SIGLEC5: variants seen among roughly 807,000 people sequenced by gnomAD.
The protein encoded by SIGLEC5 is sialic acid binding Ig like lectin 5, also known as sialic acid-binding Ig-like lectin 5.
SIGLEC5 carries 34 observed loss-of-function variants against 45.9 expected under a neutral mutation model. That is an observed-to-expected ratio of 0.74 (90% CI 0.56 to 0.99). The LOEUF is 0.99. SIGLEC5 is among the 50% of genes least tolerant of loss of function. SIGLEC5 has a pLI of 0.00. For missense variants in SIGLEC5, 508 were observed against 629.6 expected, an observed-to-expected ratio of 0.81 and a Z score of 2.07; for synonymous variants, 203 against 258.6, an observed-to-expected ratio of 0.79 and a Z score of 2.06.
chr19:51,625,085 G>C (rs8110578), intron 8 of SIGLEC5, among the ~76,000 whole-genome samples: 45,031 of 152,070 alleles, frequency 0.3, 8,104 homozygotes, highest in African/African-American at 0.51. Flanking sequence ...AGAAGAGAAG[G>C]GGCAGATATC....
In SIGLEC5 at chr19:51,627,727, G is replaced by A. The variant is rs758983833; in HGVS notation, c.1017C>T (p.Gly339=). ...CCTCAGCCTCCCAGGAGCAGGAGGGGCCCAGCAACTGTGGGAGGGCTGTGG... is the reference window on the plus strand; with the variant it reads ...CCTCAGCCTCCCAGGAGCAGGAGGGACCCAGCAACTGTGGGAGGGCTGTGG... ...LSVYSLPQLL[G]PSCSWEAEGL... Residue 339 remains glycine (G), a synonymous_variant, in exon 6 of 9, where the codon GGC becomes GGT. Coordinates refer to ENST00000683636, the MANE Select transcript of SIGLEC5 (RefSeq NM_003830.4). 1.9e-6 allele frequency: 3 copies of A among 1,589,376 alleles called. No individual in the cohort carries two copies. In the African/African-American group the frequency reaches 4.0e-5, roughly 21 times the overall value.
chr19:51,613,998 G>A (rs1004038857), intron 8 of SIGLEC5, among the ~76,000 whole-genome samples: 4 of 152,154 alleles, frequency 2.6e-5, no homozygotes, highest in African/African-American at 9.7e-5. Flanking sequence ...CCATGAAAGA[G>A]AAACAAAATG....
intron 4 of SIGLEC5, 63 bp downstream of exon 4, chr19:51,628,975 C>T: frequency 5.4e-6 from 8 of 1,474,178 alleles, no homozygotes; most frequent in Non-Finnish European, 5.6e-6. Context: ...CTCTGATTCT[C>T]TACCTCTGCT....
intron 8 of SIGLEC5, among the ~76,000 whole-genome samples, chr19:51,624,966 A>AAAAAT (rs1259629297): frequency 3.7e-4 from 1 of 2,738 alleles, no homozygotes; most frequent in East Asian, 0.05. Flanking sequence ...TCCGTCTCCA[A>AAAAAT]AAAAATAAAA....
At chr19:51,614,325 G>A (rs1982970360) in intron 8 of SIGLEC5, among the ~76,000 whole-genome samples, 1 of 152,140 alleles carries the variant, frequency 6.6e-6, no homozygotes, top group Non-Finnish European at 1.5e-5. Flanking sequence ...TGTAAAGACA[G>A]GGTTTCGCCA....
In SIGLEC5 at chr19:51,629,446, G is replaced by C. The variant is rs552559234; in HGVS notation, c.612C>G (p.Pro204=). 6.1e-5 allele frequency: 98 copies of C among 1,613,482 alleles called. No individual in the cohort carries two copies. The highest frequency in any genetic ancestry group is 5.1e-4 in the South Asian group (46 of 91,016). The change falls in exon 3 of 9, where the codon CCC becomes CCG. Residue 204 remains proline, a synonymous_variant. Transcript: ENST00000683636. ...AGGTGAGGTTGGTGCCATGGTCCTCGGGCCTGGGGGTGAGGGTGAGCTCCG... is the reference window on the plus strand; with the variant it reads ...AGGTGAGGTTGGTGCCATGGTCCTCCGGCCTGGGGGTGAGGGTGAGCTCCG... ...RSSELTLTPR[P]EDHGTNLTCQ...
At chr19:51,621,797 T>A (rs1568590274) in intron 8 of SIGLEC5, 1 of 152,140 alleles carries the variant, frequency 6.6e-6, no homozygotes, top group Non-Finnish European at 1.5e-5. Flanking sequence ...AAAAACCCTC[T>A]TATATTTTTT....
intron 8 of SIGLEC5, among the ~76,000 whole-genome samples, chr19:51,614,633 G>A (rs1982985275): frequency 6.6e-6 from 1 of 152,228 alleles, no homozygotes; most frequent in South Asian, 2.1e-4. Context: ...TGCGGTATAT[G>A]AAATAAAAAG....
At chr19:51,628,656 ATGTGCATG>A (rs1438520284) in intron 4 of SIGLEC5, among the ~76,000 whole-genome samples, 2 of 145,082 alleles carry the variant, frequency 1.4e-5, no homozygotes, top group Admixed American at 1.4e-4. Context: ...TGTGTGGTGT[ATGTGCATG>A]TGTGCGTGTG....
chr19:51,629,061 A>T lies in SIGLEC5; in HGVS notation c.716T>A (p.Ile239Asn). 2 of 1,613,890 alleles carry T rather than the reference A, an allele frequency of 1.2e-6. No individual in the cohort carries two copies. The highest frequency in any genetic ancestry group is 1.7e-6 in the Non-Finnish European group (2 of 1,179,892). The change falls in exon 4 of 9, where the codon ATC (isoleucine) becomes AAC (asparagine). Residue 239 changes from isoleucine to asparagine, a missense_variant. This residue lies in a region of SIGLEC5 where 431 missense variants were observed against 428.8 expected (regional missense o/e 1.01). Coordinates refer to ENST00000683636, the MANE Select transcript of SIGLEC5 (RefSeq NM_003830.4). ...ACCTATGCCGTTCCTGAAGATGGTG[A>T]TGGTCTGTGGAGCATCTGGGATAAA... Reference protein sequence around the residue: ...QLNVSYAPQTITIFRNGIALE... With the variant: ...QLNVSYAPQTNTIFRNGIALE...
At chr19:51,618,850 G>T in intron 8 of SIGLEC5, among the ~76,000 whole-genome samples, 1 of 143,752 alleles carries the variant, frequency 7.0e-6, no homozygotes, top group African/African-American at 2.5e-5. Context: ...TACTATGTTT[G>T]ATAAAATGTT....
intron 8 of SIGLEC5, among the ~76,000 whole-genome samples, chr19:51,624,531 G>A (rs1294871424): frequency 6.6e-6 from 1 of 152,076 alleles, no homozygotes; most frequent in Non-Finnish European, 1.5e-5. Context: ...TGACAGCTTG[G>A]TCATGAACTA....
rs1983646518 is a variant in SIGLEC5 at position 51,629,425 on chromosome 19, G to A, written c.633C>T (p.Leu211=). 2 of 1,613,770 alleles carry A rather than the reference G, an allele frequency of 1.2e-6. No homozygotes were observed. Among genetic ancestry groups the A allele is most frequent in the African/African-American group, 2.7e-5 (2 of 74,786 alleles). The change falls in exon 3 of 9, where the codon CTC becomes CTT. Residue 211 remains leucine (L), a synonymous_variant. Coordinates refer to ENST00000683636, the MANE Select transcript of SIGLEC5 (RefSeq NM_003830.4). The stretch of plus-strand genomic sequence containing the variant: ...CTCCTTGGCGTTTCATCTGACAGGT[G>A]AGGTTGGTGCCATGGTCCTCGGGCC... The part of the protein sequence containing the change: ...TPRPEDHGTN[L]TCQMKRQGAQ...
At chr19:51,614,992 A>C (rs747014349) in intron 8 of SIGLEC5, among the ~76,000 whole-genome samples, 14 of 152,236 alleles carry the variant, frequency 9.2e-5, no homozygotes, top group Non-Finnish European at 1.6e-4. Context: ...TCATTAGCTT[A>C]TCCAAGGTCA....
rs1671239451 is a variant in SIGLEC5, at chr19:51,626,221, C to T, written c.1383-108G>A. On this transcript the variant is annotated intron_variant, in intron 7 of 8. Transcript: ENST00000683636. ...AAAATGACAATGAAGCCATCCAGGCCCCGGAACTAAACTCGGAGACCTTCC... is the reference window on the plus strand; with the variant it reads ...AAAATGACAATGAAGCCATCCAGGCTCCGGAACTAAACTCGGAGACCTTCC... The T allele has an allele frequency of 6.0e-6, 5 of 837,404 alleles. No homozygotes were observed. In the Admixed American group the frequency reaches 8.1e-5, roughly 14 times the overall value. The allele number at this position is 837,404 out of a possible 1,614,324, so 51.9% of individuals were successfully genotyped here.
chr19:51,628,715 A>G (rs780689821), intron 4 of SIGLEC5, among the ~76,000 whole-genome samples: 19 of 142,562 alleles, frequency 1.3e-4, no homozygotes, highest in Non-Finnish European at 2.6e-4. Context: ...GTGTGTGCAT[A>G]TGTGTGTGGT....
At chr19:51,614,006 A>G (rs1035086640) in intron 8 of SIGLEC5, among the ~76,000 whole-genome samples, 3 of 152,204 alleles carry the variant, frequency 2.0e-5, no homozygotes, top group African/African-American at 4.8e-5. Flanking sequence ...GAGAAACAAA[A>G]TGGAGCAGAT....
intron 4 of SIGLEC5, among the ~76,000 whole-genome samples, chr19:51,628,691 TGTG>T (rs1291299208): frequency 6.6e-6 from 1 of 150,676 alleles, no homozygotes; most frequent in Non-Finnish European, 1.5e-5. Flanking sequence ...CATGTGCCTG[TGTG>T]GTGTATGTGT....
chr19:51,613,195 A>AG (rs954747152), intron 8 of SIGLEC5, among the ~76,000 whole-genome samples: 4 of 152,100 alleles, frequency 2.6e-5, no homozygotes, highest in African/African-American at 9.7e-5. Flanking sequence ...TTGCTGTGAG[A>AG]GGGGGTCACA....
Sources: gnomAD v4.1 joint callset for allele counts (sites outside exome capture counted in the v4.1 genomes callset) on GRCh38, gnomAD v4.1.1 for gene constraint, gnomAD v4.1.1 regional missense constraint, MANE v1.5 for transcripts, NCBI Gene and HGNC (gene_info 2026-07-23, HGNC 2026-07-21) for gene names.